The following MAD1L1 variants were observed in gnomAD, a reference collection of about 807,000 sequenced individuals.
MAD1L1 encodes mitotic arrest deficient 1 like 1.
A neutral mutation model predicts 96.9 loss-of-function variants in MAD1L1; 95 were observed. That is an observed-to-expected ratio of 0.98 (90% confidence interval 0.83 to 1.16). The LOEUF (loss-of-function observed/expected upper bound fraction) is 1.16. Ranked by LOEUF, MAD1L1 falls within the 50% of genes most tolerant of loss-of-function variation. The pLI is 0.00. For synonymous variants in MAD1L1, 473 were observed against 396.6 expected (o/e 1.19, Z -2.29); for missense variants, 1,007 against 954.4 (o/e 1.06, Z -0.73).
At chr7:1,863,916 G>A (rs962786829) in intron 18 of MAD1L1, among the ~76,000 whole-genome samples, 3 of 152,148 alleles carry the variant, frequency 2.0e-5, no homozygotes, top group African/African-American at 4.8e-5. Context: ...GTGAAACCCC[G>A]TCTCTACTAA....
chr7:2,117,619 T>A (rs936939293), intron 11 of MAD1L1, among the ~76,000 whole-genome samples: 8 of 152,182 alleles, frequency 5.3e-5, no homozygotes, highest in African/African-American at 1.9e-4. Context: ...TCGGCACTTC[T>A]CCTTCCTGTC....
intron 17 of MAD1L1, among the ~76,000 whole-genome samples, chr7:1,924,395 G>A (rs942433398): frequency 2.6e-5 from 4 of 152,208 alleles, no homozygotes; most frequent in African/African-American, 7.2e-5. Flanking sequence ...TCTCTCATCT[G>A]CACGGAGGGG....
intron 16 of MAD1L1, among the ~76,000 whole-genome samples, chr7:1,939,428 T>C (rs1256335884): frequency 6.6e-6 from 1 of 152,222 alleles, no homozygotes; most frequent in Admixed American, 6.5e-5. Flanking sequence ...CTTGTGGCTG[T>C]GAGCTGTGGG....
chr7:1,913,760 C>G (rs1788171023), intron 17 of MAD1L1, among the ~76,000 whole-genome samples: 1 of 152,166 alleles, frequency 6.6e-6, no homozygotes, highest in Non-Finnish European at 1.5e-5. Context: ...AGCAGAGCCA[C>G]TGGGGCTGCA....
rs564041765 is a variant in MAD1L1 at position 1,892,365 on chromosome 7, G to A, written c.1998+5835C>T. Among the ~76,000 whole-genome samples the A allele has an allele frequency of 7.9e-5, 12 of 152,294 alleles. No homozygotes were observed. The East Asian group carries it at 1.2e-3, about 15-fold the overall frequency. ...CCCTGTCATCTGGCAAAGCGAGACCGTACTAGACTTACACATATACACACA... is the reference window on the plus strand; with the variant it reads ...CCCTGTCATCTGGCAAAGCGAGACCATACTAGACTTACACATATACACACA... On this transcript the variant is annotated intron_variant, in intron 18 of 18. Transcript: ENST00000265854.
At chr7:2,082,170 A>AGGAGGG (rs1198246792) in intron 11 of MAD1L1, among the ~76,000 whole-genome samples, 3 of 150,590 alleles carry the variant, frequency 2.0e-5, no homozygotes, top group African/African-American at 7.3e-5. Flanking sequence ...GAAGGGAGGC[A>AGGAGGG]GGAGGGGGAG....
intron 11 of MAD1L1, among the ~76,000 whole-genome samples, chr7:2,121,415 CG>C (rs1042516675): frequency 6.6e-6 from 1 of 152,176 alleles, no homozygotes; most frequent in Admixed American, 6.5e-5. Context: ...TGGAGCCTCC[CG>C]GGCAGTGGCA....
At chr7:1,823,118 G>A (rs1782215333) in intron 18 of MAD1L1, among the ~76,000 whole-genome samples, 1 of 152,040 alleles carries the variant, frequency 6.6e-6, no homozygotes, top group South Asian at 2.1e-4. Context: ...AATCGATACG[G>A]AAAAGTCACA....
chr7:1,957,697 CT>C lies in MAD1L1; in HGVS notation c.1527del (p.Gly510AlafsTer36). 1 of 1,614,176 alleles carries C rather than the reference CT, an allele frequency of 6.2e-7. No individual in the cohort carries two copies. Among genetic ancestry groups the C allele is most frequent in the Admixed American group, 1.7e-5 (1 of 60,034 alleles). On this transcript the variant is annotated frameshift_variant, in exon 16 of 19. Transcript: ENST00000265854. LOFTEE classifies it high-confidence loss of function. Reference sequence around the variant, plus strand: ...TCCTCCTCCAGCCGACTCCGCTCGCCTTCCAGCTCCTCGACCTTCAACCTGC... The same window carrying C: ...TCCTCCTCCAGCCGACTCCGCTCGCCTCCAGCTCCTCGACCTTCAACCTGC... ...DTLRLKVEEL[E>X]GERSRLEEEK... is the part of the protein sequence containing the mutation.
chr7:1,980,288 G>A (rs1315577718), intron 15 of MAD1L1, among the ~76,000 whole-genome samples, 165 bp downstream of exon 15: 4 of 149,674 alleles, frequency 2.7e-5, no homozygotes, highest in South Asian at 2.1e-4. Context: ...ACCTGAGCAC[G>A]TCCGCCTCTT....
chr7:2,114,550 T>A lies in MAD1L1; in HGVS notation c.1073+34602A>T, dbSNP rs1259305060. ...CAGCAAGGCCCAAGCCGACGTCACG[T>A]GGCAGAAGGATCTTCATGAAGATGA... On this transcript the variant is annotated intron_variant, in intron 11 of 18. Coordinates refer to ENST00000265854, the MANE Select transcript of MAD1L1 (RefSeq NM_001013836.2). This position sits in a 1 kb window ranked among gnomAD's most constrained non-coding sequence, Gnocchi z 4.2. Among the ~76,000 whole-genome samples, 4 of 152,268 alleles carry A rather than the reference T, an allele frequency of 2.6e-5. No homozygotes were observed. Among genetic ancestry groups the A allele is most frequent in the Non-Finnish European group, 5.9e-5 (4 of 68,042 alleles).
At chr7:2,156,255 C>T (rs1167940844) in intron 10 of MAD1L1, among the ~76,000 whole-genome samples, 3 of 151,398 alleles carry the variant, frequency 2.0e-5, no homozygotes, top group Non-Finnish European at 2.9e-5. Context: ...GGTTTCACGG[C>T]GCGTGTGGCG....
chr7:1,846,441 G>A (rs1257189117), intron 18 of MAD1L1: 1 of 153,082 alleles, frequency 6.5e-6, no homozygotes, highest in African/African-American at 2.4e-5. Context: ...CACCACAGGA[G>A]CCAGCATCCA....
At chr7:1,914,944 T>G (rs1013513293) in intron 17 of MAD1L1, among the ~76,000 whole-genome samples, 1 of 152,164 alleles carries the variant, frequency 6.6e-6, no homozygotes, top group Non-Finnish European at 1.5e-5. Context: ...CAGTGCTGGT[T>G]TGTCATGGCA....
intron 10 of MAD1L1, among the ~76,000 whole-genome samples, chr7:2,170,756 G>C (rs571271221): frequency 1.3e-5 from 2 of 152,178 alleles, no homozygotes; most frequent in Admixed American, 1.3e-4. Flanking sequence ...GAACTAGCAG[G>C]ATCCCAGGAA....
At chr7:2,037,954 A>T (rs1322078042) in intron 12 of MAD1L1, among the ~76,000 whole-genome samples, 1 of 152,234 alleles carries the variant, frequency 6.6e-6, no homozygotes, top group Non-Finnish European at 1.5e-5. Context: ...AAAAGCAAAG[A>T]TAAGCCGAAA....
chr7:2,225,274 G>A (rs13222236), intron 4 of MAD1L1, 136 bp downstream of exon 4: 14,868 of 199,862 alleles, frequency 0.074, 5,201 homozygotes, highest in African/African-American at 0.6. Flanking sequence ...GATTTCTTAA[G>A]ACCTGGCAGG....
At chr7:1,952,030 C>T (rs1038350628) in intron 16 of MAD1L1, among the ~76,000 whole-genome samples, 3 of 152,200 alleles carry the variant, frequency 2.0e-5, no homozygotes, top group Admixed American at 6.5e-5. Flanking sequence ...AAGCCCCCAT[C>T]GGTGACATTT....
intron 10 of MAD1L1, among the ~76,000 whole-genome samples, chr7:2,169,464 A>C (rs1397516460): frequency 3.3e-5 from 5 of 152,064 alleles, no homozygotes; most frequent in Non-Finnish European, 5.9e-5. Context: ...TTTACTTGGA[A>C]AAAAAAAATC....
Sources: allele counts gnomAD v4.1 joint callset (sites outside exome capture counted in the v4.1 genomes callset), GRCh38; gene constraint gnomAD v4.1.1; non-coding constraint Gnocchi (gnomAD v3.1); transcripts MANE v1.5; gene names NCBI Gene and HGNC (gene_info 2026-07-23, HGNC 2026-07-21).